Variants in MGST1 observed in about 807,000 individuals in gnomAD.
MGST1 encodes glutathione S-transferase 12.
A neutral mutation model predicts 8.9 loss-of-function variants in MGST1; 5 were observed. The observed-to-expected ratio is 0.56, with a 90% CI of 0.29 to 1.19. MGST1 has a LOEUF of 1.19. Among genes scored for constraint, MGST1 ranks in the 50% most tolerant of loss-of-function variants. MGST1 has a pLI of 0.08. For synonymous variants in MGST1, 54 were observed against 67.8 expected (o/e 0.80, Z 1.00); for missense variants, 182 against 187.4 (o/e 0.97, Z 0.17).
intron 4 of MGST1, among the ~76,000 whole-genome samples, chr12:16,471,040 T>G (rs1941287143): frequency 6.6e-6 from 1 of 152,226 alleles, no homozygotes; most frequent in African/African-American, 2.4e-5. Context: ...GAGATGAGAT[T>G]TATTTAAAAG....
intron 1 of MGST1, among the ~76,000 whole-genome samples, chr12:16,422,982 A>G (rs1940851438): frequency 6.6e-6 from 1 of 151,936 alleles, no homozygotes; most frequent in East Asian, 1.9e-4. Flanking sequence ...TCACTCTCCA[A>G]TCTCCAGTAC....
At chr12:16,425,276 G>GT (rs995731199) in intron 1 of MGST1, among the ~76,000 whole-genome samples, 1 of 152,122 alleles carries the variant, frequency 6.6e-6, no homozygotes, top group South Asian at 2.1e-4. Flanking sequence ...AAACTAGTGG[G>GT]TTTTTTATTA....
chr12:16,460,322 C>T (rs1020066485), intron 4 of MGST1, among the ~76,000 whole-genome samples: 3 of 152,122 alleles, frequency 2.0e-5, no homozygotes, highest in African/African-American at 4.8e-5. Context: ...CTGGAGGAAT[C>T]GGGAATGGGA....
downstream of MGST1, among the ~76,000 whole-genome samples, chr12:16,443,119 C>T (rs1201644383): frequency 6.6e-6 from 1 of 151,708 alleles, no homozygotes; most frequent in Non-Finnish European, 1.5e-5. Context: ...ATGTCTCTTT[C>T]TTGTGCTACT....
At chr12:16,524,438 G>A (rs1015491106) in intron 4 of MGST1, among the ~76,000 whole-genome samples, 1 of 151,982 alleles carries the variant, frequency 6.6e-6, no homozygotes, top group Non-Finnish European at 1.5e-5. Flanking sequence ...GAACTGTGGA[G>A]GTTCAAGGAA....
intron 4 of MGST1, among the ~76,000 whole-genome samples, chr12:16,531,705 G>T (rs2137201125): frequency 6.6e-6 from 1 of 152,240 alleles, no homozygotes; most frequent in Middle Eastern, 3.4e-3. Context: ...AGAGAGACAG[G>T]TTGGTAAAAT....
In MGST1 at chr12:16,513,926, A is replaced by G; in HGVS notation, n.483-75602A>G. ...ATGCAGCTACAAGGTTATCGATACTATGACCGCAAGACTTGCGGTTTTGAC... is the reference window on the plus strand; with the variant it reads ...ATGCAGCTACAAGGTTATCGATACTGTGACCGCAAGACTTGCGGTTTTGAC... On this transcript the variant is annotated intron_variant and non_coding_transcript_variant, in intron 4 of 4. Transcript: ENST00000538857. This position sits in a 1 kb window ranked among gnomAD's most constrained non-coding sequence, Gnocchi z 4.2. 1.8e-6 allele frequency: 1 copy of G among 564,702 alleles called. No individual in the cohort carries two copies. Among genetic ancestry groups the G allele is most frequent in the Non-Finnish European group, 3.4e-6 (1 of 292,564 alleles). 35.0% of individuals were successfully genotyped at this position (564,702 alleles called of 1,614,324 possible). A position where few individuals can be genotyped will look rare whatever the true frequency, so the allele number is the denominator to read the frequency against.
At chr12:16,377,296 C>T (rs191109832), downstream of MGST1, 21 of 112,516 alleles carry the variant, frequency 1.9e-4, no homozygotes, top group African/African-American at 6.8e-4. Context: ...TCCCTCCCCC[C>T]TCCCCCCACC....
chr12:16,430,489 T>A (rs192578918), intron 1 of MGST1, among the ~76,000 whole-genome samples: 1 of 152,318 alleles, frequency 6.6e-6, no homozygotes, highest in East Asian at 1.9e-4. Context: ...AATTAATCTT[T>A]GATCCGTGGG....
At chr12:16,407,658 C>T (rs964832312) in intron 1 of MGST1, among the ~76,000 whole-genome samples, 1 of 152,132 alleles carries the variant, frequency 6.6e-6, no homozygotes, top group African/African-American at 2.4e-5. Context: ...GACATGGAAT[C>T]TACCTAAGTG....
chr12:16,500,326 A>G lies in MGST1; in HGVS notation n.483-89202A>G, dbSNP rs1941497701. On this transcript the variant is annotated intron_variant and non_coding_transcript_variant, in intron 4 of 4. Transcript: ENST00000538857. This position sits in a 1 kb window ranked among gnomAD's most constrained non-coding sequence, Gnocchi z 4.3. ...AAAATATTTGGCTGAGATGCCTGAC[A>G]GACAACAAATAAACTGGAAAAAGAG... Among the ~76,000 whole-genome samples, 1 of 152,230 alleles carries G rather than the reference A, an allele frequency of 6.6e-6. No homozygotes were observed. The highest frequency in any genetic ancestry group is 1.5e-5 in the Non-Finnish European group (1 of 68,038).
chr12:16,435,763 G>A (rs987403030), intron 1 of MGST1, among the ~76,000 whole-genome samples: 4 of 151,818 alleles, frequency 2.6e-5, no homozygotes, highest in African/African-American at 9.7e-5. Flanking sequence ...AGGCTCAAGT[G>A]TAGAAAATTA....
Position 16,547,884 on chromosome 12 carries a change from A to T in MGST1, n.483-41644A>T, listed in dbSNP as rs1941845131. Among the ~76,000 whole-genome samples the T allele has an allele frequency of 6.6e-6, 1 of 152,184 alleles. No homozygotes were observed. Among genetic ancestry groups the T allele is most frequent in the Admixed American group, 6.5e-5 (1 of 15,274 alleles). On this transcript the variant is annotated intron_variant and non_coding_transcript_variant, in intron 4 of 4. Coordinates refer to the MGST1 transcript ENST00000538857. This position sits in a 1 kb window ranked among gnomAD's most constrained non-coding sequence, Gnocchi z 4.6. ...CGAAACTGTTTAAGTGATGATTCAGAGAGTGGTTTGCCTAAAGTGATAGTT... is the reference window on the plus strand; with the variant it reads ...CGAAACTGTTTAAGTGATGATTCAGTGAGTGGTTTGCCTAAAGTGATAGTT...
At position 16,463,575 on chromosome 12, in the gene MGST1, A is replaced by G. The variant is rs570697124; in HGVS notation, n.482+79971A>G. Among the ~76,000 whole-genome samples the G allele has an allele frequency of 1.0e-3, 152 of 148,290 alleles. 1 individual carries two copies. In the Middle Eastern group the frequency reaches 0.017, roughly 17 times the overall value. On this transcript the variant is annotated intron_variant and non_coding_transcript_variant, in intron 4 of 4. Coordinates refer to the MGST1 transcript ENST00000538857. ...GCAAACCTGCACATCTGGCACATGT[A>G]CCCGTAACTTAAAATAAAAGTTGAA...
intron 1 of MGST1, among the ~76,000 whole-genome samples, chr12:16,406,143 G>T (rs1049037081): frequency 6.6e-6 from 1 of 152,070 alleles, no homozygotes; most frequent in African/African-American, 2.4e-5. Context: ...TGCAGCTGAC[G>T]TAATTCTATA....
At chr12:16,378,501 T>C (rs1291531381), downstream of MGST1, among the ~76,000 whole-genome samples, 1 of 152,178 alleles carries the variant, frequency 6.6e-6, no homozygotes, top group East Asian at 1.9e-4. Context: ...GTTCCATTGG[T>C]CTATATTTCT....
At chr12:16,494,791 G>A (rs1282482414) in intron 4 of MGST1, among the ~76,000 whole-genome samples, 1 of 152,084 alleles carries the variant, frequency 6.6e-6, no homozygotes, top group African/African-American at 2.4e-5. Context: ...TCTGAAATTA[G>A]GGTAAACGTG....
At chr12:16,378,913 T>C (rs998561767), downstream of MGST1, among the ~76,000 whole-genome samples, 1 of 152,214 alleles carries the variant, frequency 6.6e-6, no homozygotes, top group South Asian at 2.1e-4. Flanking sequence ...GAAGCAATTG[T>C]GAATGGGAGT....
At chr12:16,536,841 C>T (rs535513517) in intron 4 of MGST1, among the ~76,000 whole-genome samples, 31 of 152,176 alleles carry the variant, frequency 2.0e-4, no homozygotes, top group Non-Finnish European at 4.6e-4. Flanking sequence ...CCTCCCACAA[C>T]ATGTGGGAAT....
Sources: allele counts gnomAD v4.1 joint callset (sites outside exome capture counted in the v4.1 genomes callset), GRCh38; gene constraint gnomAD v4.1.1; non-coding constraint Gnocchi (gnomAD v3.1); transcripts MANE v1.5; gene names NCBI Gene and HGNC (gene_info 2026-07-23, HGNC 2026-07-21).